Variants in POC1B observed in about 807,000 individuals in gnomAD.
POC1B encodes POC1 centriolar protein homolog B.
A neutral mutation model predicts 60.6 loss-of-function variants in POC1B; 44 were observed. That is an observed-to-expected ratio of 0.73 (90% CI 0.57 to 0.93). POC1B has a LOEUF of 0.93. Among genes scored for constraint, POC1B ranks in the 40% least tolerant of loss-of-function variants. POC1B has a pLI of 0.00. For synonymous variants in POC1B, 180 were observed against 198.9 expected (o/e 0.90, Z 0.80); for missense variants, 555 against 572.3 (o/e 0.97, Z 0.31).
At chr12:89,435,034 C>G (rs1317431444) in intron 10 of POC1B, among the ~76,000 whole-genome samples, 4 of 151,778 alleles carry the variant, frequency 2.6e-5, no homozygotes, top group African/African-American at 9.7e-5. Context: ...AAAATGATTT[C>G]CTAACAATAA....
At chr12:89,500,177 G>A in intron 2 of POC1B, 3 of 1,598,504 alleles carry the variant, frequency 1.9e-6, no homozygotes, top group Non-Finnish European at 2.6e-6. Flanking sequence ...CATTAACACA[G>A]AGCAAGGCCA....
chr12:89,523,781 C>T (rs930001591), intron 2 of POC1B: 1 of 1,537,456 alleles, frequency 6.5e-7, no homozygotes, highest in African/African-American at 1.4e-5. Context: ...TCAATTGTGT[C>T]TATAACAGGA....
At chr12:89,443,912 C>T (rs1183740953) in intron 10 of POC1B, among the ~76,000 whole-genome samples, 3 of 151,920 alleles carry the variant, frequency 2.0e-5, no homozygotes, top group African/African-American at 4.8e-5. Context: ...TAAAAAATGA[C>T]AAAGGGGATA....
chr12:89,524,368 C>A, intron 2 of POC1B: 1 of 1,613,964 alleles, frequency 6.2e-7, no homozygotes, highest in Non-Finnish European at 8.5e-7. Context: ...ATAAAGCGGT[C>A]GAGACAAATC....
chr12:89,493,282 C>T (rs1869076793), intron 3 of POC1B, among the ~76,000 whole-genome samples: 2 of 152,224 alleles, frequency 1.3e-5, no homozygotes, highest in Admixed American at 6.5e-5. Context: ...CGATTTGTCT[C>T]CTCTTAAGCA....
downstream of POC1B, chr12:89,419,651 G>A (rs1381922063): frequency 6.6e-6 from 1 of 152,184 alleles, no homozygotes; most frequent in Non-Finnish European, 1.5e-5. Flanking sequence ...ATTAAAGACT[G>A]AGTGAGCTGG....
At chr12:89,497,680 T>C (rs1296299829) in intron 2 of POC1B, among the ~76,000 whole-genome samples, 2 of 152,206 alleles carry the variant, frequency 1.3e-5, no homozygotes, top group Non-Finnish European at 2.9e-5. Flanking sequence ...CTCTGGGTAA[T>C]GGAAAGCTAG....
chr12:89,458,854 G>A (rs1882361840), intron 10 of POC1B, among the ~76,000 whole-genome samples: 1 of 152,182 alleles, frequency 6.6e-6, no homozygotes, highest in African/African-American at 2.4e-5. Context: ...AACTGTGGCA[G>A]TGATTTGCCT....
intron 7 of POC1B, among the ~76,000 whole-genome samples, chr12:89,469,357 T>A (rs555767532): frequency 2.1e-4 from 32 of 152,312 alleles, no homozygotes; most frequent in African/African-American, 6.7e-4. Flanking sequence ...CCTACTTGGT[T>A]CTAAACCAAT....
chr12:89,423,191 G>C (rs1470759227), intron 11 of POC1B, among the ~76,000 whole-genome samples: 1 of 152,180 alleles, frequency 6.6e-6, no homozygotes, highest in Non-Finnish European at 1.5e-5. Context: ...TGTTGCTGTT[G>C]TTGTTGTTGT....
intron 4 of POC1B, among the ~76,000 whole-genome samples, chr12:89,490,187 C>T (rs1326031074): frequency 6.6e-6 from 1 of 152,166 alleles, no homozygotes; most frequent in Admixed American, 6.5e-5. Context: ...AGCTACTTAA[C>T]CACCTGGTGG....
At chr12:89,523,742 T>A in intron 2 of POC1B, 1 of 1,544,032 alleles carries the variant, frequency 6.5e-7, no homozygotes, top group Non-Finnish European at 8.7e-7. Context: ...GGCTCCCCTA[T>A]CTGCATATAG....
At chr12:89,408,052 C>T in the POC1B span, among the ~76,000 whole-genome samples, 4 of 152,116 alleles carry the variant, frequency 2.6e-5, no homozygotes, top group Admixed American at 6.6e-5. Flanking sequence ...TGAGAACATG[C>T]GGTGTTTGGT....
At chr12:89,433,690 T>G (rs1007816351) in intron 10 of POC1B, among the ~76,000 whole-genome samples, 1 of 152,178 alleles carries the variant, frequency 6.6e-6, no homozygotes, top group Non-Finnish European at 1.5e-5. Flanking sequence ...TAGAAGAGTG[T>G]TGGCCAAAGA....
At chr12:89,498,224 G>T (rs149376008) in intron 2 of POC1B, among the ~76,000 whole-genome samples, 3 of 152,174 alleles carry the variant, frequency 2.0e-5, no homozygotes, top group African/African-American at 7.2e-5. Flanking sequence ...ATTAATAAAA[G>T]AATTAAAAGA....
intron 10 of POC1B, among the ~76,000 whole-genome samples, chr12:89,434,785 A>T (rs542830474): frequency 1.3e-5 from 2 of 152,348 alleles, no homozygotes; most frequent in East Asian, 3.9e-4. Flanking sequence ...ATTCAACAAG[A>T]ATCTTTTACA....
intron 3 of POC1B, among the ~76,000 whole-genome samples, chr12:89,494,174 G>T (rs1565748620): frequency 6.6e-6 from 1 of 151,820 alleles, no homozygotes; most frequent in Non-Finnish European, 1.5e-5. Context: ...TGAGGAGCTA[G>T]GACTATAGGT....
At chr12:89,422,813 A>G (rs561616019) in intron 11 of POC1B, among the ~76,000 whole-genome samples, 1 of 152,338 alleles carries the variant, frequency 6.6e-6, no homozygotes, top group South Asian at 2.1e-4. Context: ...TTGGTATTTT[A>G]GTCAACCAGT....
chr12:89,403,401 ACT>A, the POC1B span, among the ~76,000 whole-genome samples: 1 of 151,912 alleles, frequency 6.6e-6, no homozygotes, highest in Non-Finnish European at 1.5e-5. Context: ...AGTGCTTGGT[ACT>A]CTCTGAAATC....
Sources: gnomAD v4.1 joint callset for allele counts (sites outside exome capture counted in the v4.1 genomes callset) on GRCh38, gnomAD v4.1.1 for gene constraint, MANE v1.5 for transcripts, NCBI Gene and HGNC (gene_info 2026-07-23, HGNC 2026-07-21) for gene names.